Variants in LAMA2 observed in about 807,000 individuals in gnomAD.
LAMA2 encodes laminin subunit alpha-2.
Under a neutral mutation model 364.8 loss-of-function variants are expected in LAMA2, and 269 were observed. The ratio of observed to expected loss-of-function variants is 0.74; its 90% CI spans 0.67 to 0.82. LAMA2 has a LOEUF of 0.82. LAMA2 is among the 40% of genes least tolerant of loss of function. LAMA2 has a pLI of 0.00. For synonymous variants in LAMA2, 1,379 were observed against 1,370.6 expected, an observed-to-expected ratio of 1.01 and a Z score of -0.14; for missense variants, 3,807 against 3,873.2, an observed-to-expected ratio of 0.98 and a Z score of 0.45.
Position 129,498,209 on chromosome 6 carries a change from AACAAT to A in LAMA2, c.8245-4445_8245-4441del, listed in dbSNP as rs545049279. On this transcript the variant is annotated intron_variant, in intron 58 of 64. Coordinates refer to ENST00000421865, the MANE Select transcript of LAMA2 (RefSeq NM_000426.4). ...AGTTTAAAATGTGAAAACTAAGAAA[AACAAT>A]ACAAGTAGCCATGGAGAATTCCTGT... Among the ~76,000 whole-genome samples the A allele has an allele frequency of 3.9e-5, 6 of 152,350 alleles. No homozygotes were observed. The South Asian group carries it at 1.2e-3, about 32-fold the overall frequency.
chr6:129,353,853 G>A (rs191541499), intron 32 of LAMA2, among the ~76,000 whole-genome samples: 42 of 152,236 alleles, frequency 2.8e-4, no homozygotes, highest in African/African-American at 8.9e-4. Context: ...TACAAAACCC[G>A]TAAGCAGTAA....
chr6:129,491,587 T>C (rs1784866567), intron 56 of LAMA2, among the ~76,000 whole-genome samples: 1 of 152,228 alleles, frequency 6.6e-6, no homozygotes, highest in Non-Finnish European at 1.5e-5. Flanking sequence ...TAGACATTAC[T>C]GCACACTGCA....
At chr6:128,932,333 C>T (rs145413876) in intron 1 of LAMA2, among the ~76,000 whole-genome samples, 10 of 152,260 alleles carry the variant, frequency 6.6e-5, no homozygotes, top group East Asian at 1.9e-4. Flanking sequence ...CCACTAGTGA[C>T]GCATTAGAGC....
chr6:129,416,079 G>A lies in LAMA2; in HGVS notation c.5866-11673G>A, dbSNP rs1780773423. Reference sequence around the variant, plus strand: ...TTCTCCTGCCTCAGCCTCCCAAGTAGCTGGGACTACAGGCGCCCGCCACTA... The same window carrying A: ...TTCTCCTGCCTCAGCCTCCCAAGTAACTGGGACTACAGGCGCCCGCCACTA... On this transcript the variant is annotated intron_variant, in intron 40 of 64. Transcript: ENST00000421865. Among the ~76,000 whole-genome samples, 2 of 91,192 alleles carry A rather than the reference G, an allele frequency of 2.2e-5. 1 individual carries two copies. Among genetic ancestry groups the A allele is most frequent in the East Asian group, 7.3e-4 (2 of 2,742 alleles). 59.8% of individuals were successfully genotyped at this position (91,192 alleles called of 152,430 possible). A position where few individuals can be genotyped will look rare whatever the true frequency, so the allele number is the denominator to read the frequency against.
intron 61 of LAMA2, among the ~76,000 whole-genome samples, chr6:129,506,542 C>T (rs1460009924): frequency 3.3e-5 from 5 of 151,894 alleles, no homozygotes; most frequent in Non-Finnish European, 7.4e-5. Context: ...GAATTTAAAG[C>T]CCTCACAGTT....
At chr6:129,147,841 G>T (rs879608822) in intron 6 of LAMA2, among the ~76,000 whole-genome samples, 5 of 152,110 alleles carry the variant, frequency 3.3e-5, no homozygotes, top group Admixed American at 1.3e-4. Context: ...CTCCTAGGAA[G>T]ATTAAAGTAC....
intron 61 of LAMA2, among the ~76,000 whole-genome samples, chr6:129,505,586 G>A (rs1461745016): frequency 6.6e-6 from 1 of 152,042 alleles, no homozygotes; most frequent in East Asian, 1.9e-4. Context: ...TTGGCTCACT[G>A]CAAGCTCTCC....
intron 28 of LAMA2, among the ~76,000 whole-genome samples, chr6:129,327,954 T>A (rs1328594608): frequency 6.6e-6 from 1 of 152,220 alleles, no homozygotes; most frequent in East Asian, 1.9e-4. Flanking sequence ...TGGAATTATC[T>A]TTATTCCATA....
intron 1 of LAMA2, among the ~76,000 whole-genome samples, chr6:128,983,031 G>C (rs931821817): frequency 6.6e-6 from 1 of 151,156 alleles, no homozygotes; most frequent in African/African-American, 2.5e-5. Context: ...ATTTGGGTTG[G>C]TTCCAAGTCT....
chr6:129,051,438 G>C (rs575985044), intron 2 of LAMA2, among the ~76,000 whole-genome samples: 77 of 13,254 alleles, frequency 5.8e-3, no homozygotes, highest in Non-Finnish European at 0.018. Flanking sequence ...TCAGCCTCCC[G>C]AGTAGCTGGA....
At chr6:129,466,223 G>C (rs146459429) in intron 51 of LAMA2, among the ~76,000 whole-genome samples, 29 of 152,048 alleles carry the variant, frequency 1.9e-4, no homozygotes, top group African/African-American at 6.5e-4. Context: ...AGATAGACAA[G>C]TATCAATGGT....
intron 32 of LAMA2, among the ~76,000 whole-genome samples, chr6:129,353,793 A>G (rs1777001981): frequency 6.6e-6 from 1 of 152,152 alleles, no homozygotes; most frequent in Admixed American, 6.5e-5. Context: ...TTCTTTTCCC[A>G]GCTTTTATGA....
At chr6:129,012,176 T>G (rs1436930788) in intron 1 of LAMA2, among the ~76,000 whole-genome samples, 2 of 152,214 alleles carry the variant, frequency 1.3e-5, no homozygotes, top group Non-Finnish European at 2.9e-5. Context: ...GGAATATGCT[T>G]CTCTTATTTT....
chr6:129,285,224 A>G (rs1275047111), intron 18 of LAMA2, among the ~76,000 whole-genome samples: 1 of 152,156 alleles, frequency 6.6e-6, no homozygotes, highest in East Asian at 1.9e-4. Flanking sequence ...ACCTTCAGAA[A>G]TCTCTAATAC....
At chr6:129,367,100 A>C (rs1432497114) in intron 33 of LAMA2, among the ~76,000 whole-genome samples, 1 of 152,228 alleles carries the variant, frequency 6.6e-6, no homozygotes, top group East Asian at 1.9e-4. Context: ...GAACTAGTAG[A>C]CCTTTAAAAG....
chr6:129,404,322 C>A (rs958912182), intron 40 of LAMA2, among the ~76,000 whole-genome samples: 6 of 152,030 alleles, frequency 3.9e-5, no homozygotes, highest in African/African-American at 1.4e-4. Flanking sequence ...TATAATCACA[C>A]ACAAATTGGT....
intron 1 of LAMA2, among the ~76,000 whole-genome samples, chr6:128,969,471 GC>G (rs778690159): frequency 6.6e-6 from 1 of 152,048 alleles, no homozygotes; most frequent in Non-Finnish European, 1.5e-5. Flanking sequence ...TCACTCTGTT[GC>G]CCAGGCTGGA....
intron 29 of LAMA2, among the ~76,000 whole-genome samples, chr6:129,331,177 C>A (rs562653057): frequency 6.6e-6 from 1 of 152,266 alleles, no homozygotes; most frequent in Admixed American, 6.5e-5. Context: ...CGCCCGGCCA[C>A]CTGCACCTTC....
chr6:129,059,749 C>A, intron 2 of LAMA2, 35 bp from the exon 3 acceptor site: 1 of 1,312,802 alleles, frequency 7.6e-7, no homozygotes, highest in South Asian at 1.2e-5. Context: ...ATGATCTTTT[C>A]TTCTTCCTTT....
Sources: allele counts gnomAD v4.1 joint callset (sites outside exome capture counted in the v4.1 genomes callset), GRCh38; gene constraint gnomAD v4.1.1; transcripts MANE v1.5; gene names NCBI Gene and HGNC (gene_info 2026-07-23, HGNC 2026-07-21).